The following TTLL7 variants were observed in gnomAD, a reference collection of about 807,000 sequenced individuals.
TTLL7 encodes the protein tubulin tyrosine ligase like 7.
TTLL7 carries 53 observed loss-of-function variants against 120.2 expected under a neutral mutation model. The ratio of observed to expected loss-of-function variants is 0.44; its 90% CI spans 0.35 to 0.55. The LOEUF is 0.55. TTLL7 is among the 20% of genes least tolerant of loss of function. The probability of loss-of-function intolerance (pLI) is 0.00; values close to 1 mark genes in which losing one functional copy is unlikely to be tolerated. For synonymous variants in TTLL7, 353 were observed against 351.7 expected (o/e 1.00, Z -0.04); for missense variants, 803 against 1,054.7 (o/e 0.76, Z 3.31).
In TTLL7 at chr1:83,868,752, CAT is replaced by C. The variant is rs1347757479; in HGVS notation, c.*1208_*1209del. 11 of 152,138 alleles carry C rather than the reference CAT, an allele frequency of 7.2e-5. No homozygotes were observed. The highest frequency in any genetic ancestry group is 1.2e-4 in the African/African-American group (5 of 41,514). 9.4% of individuals were successfully genotyped at this position (152,138 alleles called of 1,614,324 possible). A position where few individuals can be genotyped will look rare whatever the true frequency, so the allele number is the denominator to read the frequency against. The stretch of plus-strand genomic sequence containing the variant: ...AAACAGGAGAAATTGTATTTAACCA[CAT>C]GTTAAACCCATCAAAGATATACTTT... On this transcript the variant is annotated 3_prime_UTR_variant, in exon 21 of 21. Transcript: ENST00000260505.
At chr1:83,870,520 T>C (rs1358711907) in intron 20 of TTLL7, among the ~76,000 whole-genome samples, 4 of 152,228 alleles carry the variant, frequency 2.6e-5, no homozygotes, top group Non-Finnish European at 5.9e-5. Flanking sequence ...GTATTATTAC[T>C]ATAGGTAACC....
At chr1:83,914,019 G>GC (rs1224097769) in intron 14 of TTLL7, among the ~76,000 whole-genome samples, 1 of 152,194 alleles carries the variant, frequency 6.6e-6, no homozygotes, top group Non-Finnish European at 1.5e-5. Flanking sequence ...CATGACTCAT[G>GC]CAAGTATTCA....
intron 1 of TTLL7, among the ~76,000 whole-genome samples, chr1:83,986,432 A>C (rs1371698141): frequency 1.3e-5 from 2 of 152,220 alleles, no homozygotes; most frequent in Non-Finnish European, 2.9e-5. Context: ...ATTCAGGATA[A>C]AATGTCTCAG....
chr1:83,890,527 T>C (rs991072488), intron 18 of TTLL7, 46 bp from the exon 19 acceptor site: 3 of 1,503,904 alleles, frequency 2.0e-6, no homozygotes, highest in East Asian at 4.6e-5. Flanking sequence ...TGTATATCTG[T>C]GTCTAAAATT....
At chr1:83,887,369 G>A (rs888890263) in intron 19 of TTLL7, 13 of 417,386 alleles carry the variant, frequency 3.1e-5, no homozygotes, top group African/African-American at 2.1e-4. Context: ...TTAGGCCTTC[G>A]GACCAAAGGT....
intron 18 of TTLL7, among the ~76,000 whole-genome samples, chr1:83,893,625 A>C (rs2100737857): frequency 6.6e-6 from 1 of 152,302 alleles, no homozygotes; most frequent in Non-Finnish European, 1.5e-5. Context: ...AGCAATATTT[A>C]AAGAAATGAT....
intron 7 of TTLL7, among the ~76,000 whole-genome samples, chr1:83,939,436 T>A (rs1383094204): frequency 6.6e-6 from 1 of 152,192 alleles, no homozygotes; most frequent in Non-Finnish European, 1.5e-5. Flanking sequence ...ACTTTGCATT[T>A]TTCTTAAACA....
chr1:83,950,883 T>C (rs1181127043), intron 3 of TTLL7, among the ~76,000 whole-genome samples: 1 of 152,028 alleles, frequency 6.6e-6, no homozygotes, highest in African/African-American at 2.4e-5. Context: ...GCAAGGGCAA[T>C]AGCAACACAG....
intron 1 of TTLL7, among the ~76,000 whole-genome samples, chr1:83,963,074 C>A (rs1191594822): frequency 2.0e-5 from 3 of 152,118 alleles, no homozygotes; most frequent in Non-Finnish European, 4.4e-5. Flanking sequence ...TACCTATTTT[C>A]TTGTAACCAT....
chr1:83,902,533 G>A (rs1017453258), intron 18 of TTLL7, among the ~76,000 whole-genome samples: 4 of 151,912 alleles, frequency 2.6e-5, no homozygotes, highest in Non-Finnish European at 5.9e-5. Context: ...TGATTACTCT[G>A]TCCTTAAAAT....
intron 12 of TTLL7, chr1:83,920,664 G>T: frequency 6.1e-6 from 1 of 165,126 alleles, no homozygotes; most frequent in Admixed American, 5.9e-5. Context: ...TATTGTGGAA[G>T]GGTTCCAGTT....
At chr1:83,929,097 G>T in intron 10 of TTLL7, 39 bp downstream of exon 10, 1 of 1,329,854 alleles carries the variant, frequency 7.5e-7, no homozygotes, top group African/African-American at 1.5e-5. Flanking sequence ...TATGTCAAAT[G>T]TGGAGATAAA....
intron 1 of TTLL7, among the ~76,000 whole-genome samples, chr1:83,988,730 G>A (rs1395671923): frequency 6.6e-6 from 1 of 150,864 alleles, no homozygotes; most frequent in Non-Finnish European, 1.5e-5. Flanking sequence ...TTTTTTTTAA[G>A]ATGGAGTCTC....
At chr1:83,916,252 CAAT>C (rs1287044586) in intron 14 of TTLL7, among the ~76,000 whole-genome samples, 1 of 152,076 alleles carries the variant, frequency 6.6e-6, no homozygotes, top group Non-Finnish European at 1.5e-5. Flanking sequence ...AAATGTTCAA[CAAT>C]GATAGACTGG....
chr1:83,882,519 C>T (rs1263446948), intron 20 of TTLL7: 1 of 152,034 alleles, frequency 6.6e-6, no homozygotes, highest in Non-Finnish European at 1.5e-5. Flanking sequence ...CTTGACAAAA[C>T]TTTACCTCCT....
At chr1:83,908,499 A>C (rs991852857) in intron 15 of TTLL7, among the ~76,000 whole-genome samples, 1 of 152,068 alleles carries the variant, frequency 6.6e-6, no homozygotes, top group African/African-American at 2.4e-5. Context: ...GTGAAGAAAA[A>C]AATGTATGGA....
At chr1:83,920,907 G>C (rs535033479) in intron 12 of TTLL7, among the ~76,000 whole-genome samples, 180 bp downstream of exon 12, 1 of 151,988 alleles carries the variant, frequency 6.6e-6, no homozygotes, top group East Asian at 1.9e-4. Context: ...TAGCAGGAGC[G>C]CTGTCAAGGC....
chr1:83,969,302 T>A (rs1438469476), intron 1 of TTLL7, among the ~76,000 whole-genome samples: 1 of 151,970 alleles, frequency 6.6e-6, no homozygotes, highest in Non-Finnish European at 1.5e-5. Context: ...CTCAATTATA[T>A]TGATTCCAAT....
chr1:83,877,495 T>A (rs549619935), intron 20 of TTLL7, among the ~76,000 whole-genome samples: 1 of 151,720 alleles, frequency 6.6e-6, no homozygotes, highest in Non-Finnish European at 1.5e-5. Flanking sequence ...GAAGGGCTCT[T>A]AATAATTGAT....
Sources: gnomAD v4.1 joint callset for allele counts (sites outside exome capture counted in the v4.1 genomes callset) on GRCh38, gnomAD v4.1.1 for gene constraint, MANE v1.5 for transcripts, NCBI Gene and HGNC (gene_info 2026-07-23, HGNC 2026-07-21) for gene names.